Variants in DNAH9 observed in about 807,000 individuals in gnomAD.
DNAH9 encodes DNAH9 variant protein.
In DNAH9, 345 loss-of-function variants were observed where a neutral mutation model predicts 471.6. The ratio of observed to expected loss-of-function variants is 0.73; its 90% confidence interval spans 0.67 to 0.80. The LOEUF is 0.80. Among genes scored for constraint, DNAH9 ranks in the 30% least tolerant of loss-of-function variants. The pLI, the probability that DNAH9 is intolerant of heterozygous loss-of-function variation, is 0.00. For synonymous variants in DNAH9, 2,093 were observed against 2,123.6 expected (o/e 0.99, Z 0.40); for missense variants, 5,407 against 5,609.2 (o/e 0.96, Z 1.15).
chr17:11,890,289 A>G (rs575617722), intron 57 of DNAH9, among the ~76,000 whole-genome samples: 3 of 152,270 alleles, frequency 2.0e-5, no homozygotes, highest in African/African-American at 4.8e-5. Flanking sequence ...CTAATGAACT[A>G]TTCTTCCTAT....
At chr17:11,600,300 TAA>T (rs2072358228) in intron 1 of DNAH9, among the ~76,000 whole-genome samples, 1 of 152,168 alleles carries the variant, frequency 6.6e-6, no homozygotes. Flanking sequence ...ATGCTTAACA[TAA>T]GTGTTGAATT....
chr17:11,861,726 G>C (rs1971855683), intron 50 of DNAH9, among the ~76,000 whole-genome samples: 1 of 152,170 alleles, frequency 6.6e-6, no homozygotes, highest in Non-Finnish European at 1.5e-5. Flanking sequence ...TCTAACTGGT[G>C]TGAGATGATA....
chr17:11,830,641 G>C (rs188999571), intron 48 of DNAH9, among the ~76,000 whole-genome samples: 1 of 152,178 alleles, frequency 6.6e-6, no homozygotes, highest in Admixed American at 6.5e-5. Flanking sequence ...AGAAAATCTT[G>C]AGATTACATG....
At chr17:11,943,768 G>C (rs1975023121) in intron 67 of DNAH9, among the ~76,000 whole-genome samples, 2 of 152,144 alleles carry the variant, frequency 1.3e-5, no homozygotes, top group Admixed American at 6.5e-5. Context: ...CCTCAACATG[G>C]GTAGAAGGAA....
intron 51 of DNAH9, among the ~76,000 whole-genome samples, chr17:11,871,000 G>T (rs1164780402): frequency 6.6e-6 from 1 of 152,156 alleles, no homozygotes; most frequent in East Asian, 1.9e-4. Flanking sequence ...CAGAAGCAAA[G>T]CTCCGCCATA....
At chr17:11,793,422 A>T in intron 41 of DNAH9, 81 bp from the exon 42 acceptor site, 1 of 1,338,300 alleles carries the variant, frequency 7.5e-7, no homozygotes, top group Non-Finnish European at 1.0e-6. Context: ...AGGTTAGATA[A>T]AATGCTCCAG....
chr17:11,865,163 G>T (rs1053464198), intron 50 of DNAH9, among the ~76,000 whole-genome samples: 8 of 152,008 alleles, frequency 5.3e-5, no homozygotes, highest in Non-Finnish European at 1.0e-4. Context: ...GCTGGTACCG[G>T]TTGTTCCTTT....
At position 11,930,112 on chromosome 17, in the gene DNAH9, G is replaced by A. The variant is rs1425618357; in HGVS notation, c.12105+19G>A. On this transcript the variant is annotated intron_variant, in intron 63 of 68. Coordinates refer to ENST00000262442, the MANE Select transcript of DNAH9 (RefSeq NM_001372.4). ...CACTCAGGTACGGCCCCGGGAGGGA[G>A]GCAAAAACAGCAGCACACCTCACAG... 1.3e-5 allele frequency: 21 copies of A among 1,599,694 alleles called. No homozygotes were observed. The highest frequency in any genetic ancestry group is 1.7e-5 in the Non-Finnish European group (20 of 1,169,556).
At chr17:11,707,179 C>T (rs1489480464) in intron 26 of DNAH9, among the ~76,000 whole-genome samples, 3 of 152,104 alleles carry the variant, frequency 2.0e-5, no homozygotes, top group Non-Finnish European at 2.9e-5. Flanking sequence ...AACATTAAAC[C>T]TCCTCTTCCC....
Position 11,822,991 on chromosome 17 carries a change from G to T in DNAH9, c.9203G>T (p.Arg3068Leu), listed in dbSNP as rs201731662. Residue 3068 changes from arginine to leucine, a missense_variant, in exon 48 of 69, where the codon CGG (arginine) becomes CTG (leucine). Arg to Leu is a moderately radical substitution (Grantham distance 102, BLOSUM62 -2). Coordinates refer to ENST00000262442, the MANE Select transcript of DNAH9 (RefSeq NM_001372.4). ...AAAGAGCTCAAGTGCAAGACAGAGC[G>T]GTTGGAGAACGGGCTGCTGAAGCTG... Reference protein sequence around the residue: ...HRKELKCKTERLENGLLKLHS... With the variant: ...HRKELKCKTELLENGLLKLHS... 2.4e-5 allele frequency: 39 copies of T among 1,613,984 alleles called. No individual in the cohort carries two copies. Among genetic ancestry groups the T allele is most frequent in the Admixed American group, 5.0e-5 (3 of 60,000 alleles).
At chr17:11,649,001 C>A (rs1425807881) in intron 12 of DNAH9, among the ~76,000 whole-genome samples, 1 of 152,044 alleles carries the variant, frequency 6.6e-6, no homozygotes, top group African/African-American at 2.4e-5. Flanking sequence ...GTGGCACATG[C>A]CTGTAATCCC....
chr17:11,707,822 G>A (rs562886879), intron 26 of DNAH9, among the ~76,000 whole-genome samples: 12 of 152,038 alleles, frequency 7.9e-5, no homozygotes, highest in Non-Finnish European at 1.6e-4. Flanking sequence ...CTCAGCACCT[G>A]CACACACATG....
intron 23 of DNAH9, among the ~76,000 whole-genome samples, chr17:11,700,786 T>G (rs993406880): frequency 2.6e-5 from 4 of 152,214 alleles, no homozygotes; most frequent in African/African-American, 9.6e-5. Flanking sequence ...GACAAGGTCA[T>G]GAGAAGCCAC....
intron 38 of DNAH9, among the ~76,000 whole-genome samples, chr17:11,774,800 C>G (rs1460267494): frequency 6.6e-6 from 1 of 152,120 alleles, no homozygotes; most frequent in East Asian, 1.9e-4. Context: ...CACAGCTCAT[C>G]CTTTCTCCTA....
intron 28 of DNAH9, among the ~76,000 whole-genome samples, chr17:11,734,740 C>T: frequency 6.6e-6 from 1 of 152,238 alleles, no homozygotes; most frequent in East Asian, 1.9e-4. Flanking sequence ...GCTCTGCAGA[C>T]TCAGTTGCTG....
At chr17:11,777,359 G>A (rs1193721418) in intron 38 of DNAH9, among the ~76,000 whole-genome samples, 1 of 152,084 alleles carries the variant, frequency 6.6e-6, no homozygotes, top group African/African-American at 2.4e-5. Context: ...AGTCTTTATT[G>A]TAATTGGTCT....
chr17:11,696,217 C>T (rs142447246), intron 22 of DNAH9, among the ~76,000 whole-genome samples: 1 of 152,292 alleles, frequency 6.6e-6, no homozygotes, highest in East Asian at 1.9e-4. Flanking sequence ...CTTTCATACA[C>T]AAAAGGTAGC....
rs539634950 is a variant in DNAH9, at chr17:11,736,160, A to G, written c.5815-2720A>G. Among the ~76,000 whole-genome samples the G allele has an allele frequency of 8.5e-4, 130 of 152,288 alleles. 1 individual carries two copies. The highest frequency in any genetic ancestry group is 1.6e-3 in the Non-Finnish European group (110 of 68,038). ...AACTGCCTTCTGCCTCAGTTTCTTC[A>G]TCGGTAAAATGAAGATCTGAGACTA... On this transcript the variant is annotated intron_variant, in intron 28 of 68. Coordinates refer to ENST00000262442, the MANE Select transcript of DNAH9 (RefSeq NM_001372.4).
intron 49 of DNAH9, among the ~76,000 whole-genome samples, chr17:11,852,814 G>GTGTATATATA (rs1169950713): frequency 8.6e-5 from 8 of 92,680 alleles, no homozygotes; most frequent in African/African-American, 1.2e-4. Context: ...GTGTGTGTGT[G>GTGTATATATA]TATATATATA....
Sources: allele counts gnomAD v4.1 joint callset (sites outside exome capture counted in the v4.1 genomes callset), GRCh38; gene constraint gnomAD v4.1.1; transcripts MANE v1.5; gene names NCBI Gene and HGNC (gene_info 2026-07-23, HGNC 2026-07-21).